GPC3: variants seen among roughly 807,000 people sequenced by gnomAD.
GPC3 encodes the protein glypican 3.
A neutral mutation model predicts 34.4 loss-of-function variants in GPC3; 3 were observed. The ratio of observed to expected loss-of-function variants is 0.09; its 90% CI spans 0.04 to 0.23. The LOEUF (loss-of-function observed/expected upper bound fraction) is 0.23, where lower values mean the gene tolerates loss of function less well. GPC3 is among the 10% of genes least tolerant of loss of function. The pLI, the probability that GPC3 is intolerant of heterozygous loss-of-function variation, is 1.00. For missense variants in GPC3, 351 were observed against 445.6 expected, an observed-to-expected ratio of 0.79 and a Z score of 1.91; for synonymous variants, 177 against 174.0, an observed-to-expected ratio of 1.02 and a Z score of -0.13.
chrX:133,640,392 T>C (rs938852398), intron 6 of GPC3, among the ~76,000 whole-genome samples: 3 of 111,923 alleles, frequency 2.7e-5, no homozygotes, highest in African/African-American at 9.8e-5. Context: ...GCATTTTCTC[T>C]AACAACTGTG....
chrX:133,969,781 A>G (rs1054279727), intron 1 of GPC3, among the ~76,000 whole-genome samples: 1 of 111,902 alleles, frequency 8.9e-6, no homozygotes, highest in African/African-American at 3.3e-5. Flanking sequence ...AGCCCCTTCC[A>G]AAATCTGGGC....
intron 3 of GPC3, among the ~76,000 whole-genome samples, chrX:133,726,677 C>G (rs753664094): frequency 2.0e-4 from 22 of 111,436 alleles, no homozygotes; most frequent in Non-Finnish European, 3.8e-4. Flanking sequence ...TCCCCTTCTT[C>G]CCACCTGCTT....
At chrX:133,847,059 T>A (rs935056954) in intron 2 of GPC3, among the ~76,000 whole-genome samples, 2 of 111,892 alleles carry the variant, frequency 1.8e-5, no homozygotes, top group African/African-American at 3.2e-5. Context: ...TTAGGTGGAT[T>A]TATCCAATCA....
intron 2 of GPC3, among the ~76,000 whole-genome samples, chrX:133,906,999 G>A (rs1312160344): frequency 1.8e-5 from 2 of 109,840 alleles, no homozygotes; most frequent in Non-Finnish European, 3.8e-5. Context: ...TACTCGGGAG[G>A]CCGAGGAAGG....
At chrX:133,675,061 G>A (rs2070869728) in intron 5 of GPC3, among the ~76,000 whole-genome samples, 1 of 112,032 alleles carries the variant, frequency 8.9e-6, no homozygotes, top group South Asian at 3.7e-4. Context: ...AGAATATGTA[G>A]TAAACAGAGG....
chrX:133,692,412 C>T lies in GPC3; in HGVS notation c.1249G>A (p.Glu417Lys). ...GYICSHSPVA[E>K]NDTLCWNGQE... is the part of the protein sequence containing the mutation. ...CCATTCCAGCAAAGGGTGTCGTTTTCCGCCACAGGGCTATGGCTGCAGATG... is the reference window on the plus strand; with the variant it reads ...CCATTCCAGCAAAGGGTGTCGTTTTTCGCCACAGGGCTATGGCTGCAGATG... Residue 417 changes from glutamate to lysine, a missense_variant, in exon 5 of 8, where the codon GAA (glutamate) becomes AAA (lysine). Glu to Lys is a moderately conservative substitution (Grantham distance 56). Coordinates refer to ENST00000370818, the MANE Select transcript of GPC3 (RefSeq NM_004484.4). 8.3e-7 allele frequency: 1 copy of T among 1,210,325 alleles called. No homozygotes were observed. Among genetic ancestry groups the T allele is most frequent in the Non-Finnish European group, 1.1e-6 (1 of 893,662 alleles).
chrX:133,656,600 A>G (rs2070667475), intron 6 of GPC3, among the ~76,000 whole-genome samples: 1 of 112,647 alleles, frequency 8.9e-6, no homozygotes, highest in Non-Finnish European at 1.9e-5. Context: ...ATTATCATTC[A>G]TATGGAATCA....
chrX:133,925,747 A>G (rs377326296), intron 2 of GPC3, among the ~76,000 whole-genome samples: 6 of 111,973 alleles, frequency 5.4e-5, no homozygotes, highest in African/African-American at 1.9e-4. Context: ...TTGCCTCAAT[A>G]AAAGTAATAC....
chrX:133,919,340 G>A (rs2076237538), intron 2 of GPC3, among the ~76,000 whole-genome samples: 1 of 112,074 alleles, frequency 8.9e-6, no homozygotes, highest in East Asian at 2.8e-4. Flanking sequence ...TGACATTAAA[G>A]TGTGTATATG....
At chrX:133,597,827 G>A (rs1366080521) in intron 6 of GPC3, among the ~76,000 whole-genome samples, 1 of 110,647 alleles carries the variant, frequency 9.0e-6, no homozygotes, top group Non-Finnish European at 1.9e-5. Flanking sequence ...AACCTCTAAT[G>A]GTATTGGAGA....
intron 2 of GPC3, among the ~76,000 whole-genome samples, chrX:133,913,360 G>C (rs2076209885): frequency 8.9e-6 from 1 of 112,687 alleles, no homozygotes; most frequent in Non-Finnish European, 1.9e-5. Flanking sequence ...AAGTGCCAAT[G>C]AATTTAGCAA....
intron 3 of GPC3, 57 bp downstream of exon 3, chrX:133,753,425 T>G: frequency 1.1e-6 from 1 of 937,076 alleles, no homozygotes; most frequent in Non-Finnish European, 1.6e-6. Context: ...TACCTGCTAC[T>G]GGCCACCTCA....
At chrX:133,594,905 A>G (rs1453215226) in intron 7 of GPC3, among the ~76,000 whole-genome samples, 1 of 110,855 alleles carries the variant, frequency 9.0e-6, no homozygotes, top group Non-Finnish European at 1.9e-5. Context: ...TCATAAAAAA[A>G]AGTTGAGGCC....
chrX:133,808,758 A>C (rs1001982243), intron 2 of GPC3, among the ~76,000 whole-genome samples: 5 of 110,604 alleles, frequency 4.5e-5, no homozygotes, highest in South Asian at 3.8e-4. Flanking sequence ...AAAAAAAAAA[A>C]CAGAAAACAA....
intron 3 of GPC3, among the ~76,000 whole-genome samples, chrX:133,732,626 C>G (rs888895088): frequency 2.9e-4 from 32 of 111,330 alleles, no homozygotes; most frequent in African/African-American, 9.8e-4. Context: ...GAGATTAGGG[C>G]AGATATACAG....
At chrX:133,962,356 T>G (rs1025363852) in intron 1 of GPC3, among the ~76,000 whole-genome samples, 14 of 112,098 alleles carry the variant, frequency 1.2e-4, no homozygotes, top group African/African-American at 4.5e-4. Flanking sequence ...TGATTCATCT[T>G]TGTGTCTCAA....
At chrX:133,890,063 C>G (rs1016836897) in intron 2 of GPC3, among the ~76,000 whole-genome samples, 3 of 110,845 alleles carry the variant, frequency 2.7e-5, no homozygotes, top group Non-Finnish European at 5.7e-5. Context: ...GCCACTGCAC[C>G]TGGCCTCTAG....
At chrX:133,857,679 G>A (rs771478858) in intron 2 of GPC3, among the ~76,000 whole-genome samples, 1 of 111,897 alleles carries the variant, frequency 8.9e-6, no homozygotes, top group East Asian at 2.8e-4. Context: ...GGAGAACTGG[G>A]AAGCACCAAC....
At chrX:133,593,330 CA>C (rs756083308) in intron 7 of GPC3, among the ~76,000 whole-genome samples, 445 of 9,848 alleles carry the variant, frequency 0.045, no homozygotes, top group African/African-American at 0.12. Context: ...GAGACTGTCT[CA>C]AAAAAAAAAA....
Sources: allele counts gnomAD v4.1 joint callset (sites outside exome capture counted in the v4.1 genomes callset), GRCh38; gene constraint gnomAD v4.1.1; transcripts MANE v1.5; gene names NCBI Gene and HGNC (gene_info 2026-07-23, HGNC 2026-07-21).